The following CSMD1 variants were observed in gnomAD, a reference collection of about 807,000 sequenced individuals.
CSMD1 encodes the protein CUB and Sushi multiple domains 1.
Under a neutral mutation model 417.5 loss-of-function variants are expected in CSMD1, and 213 were observed. That is an observed-to-expected ratio of 0.51 (90% confidence interval 0.46 to 0.57). The LOEUF is 0.57. CSMD1 is among the 20% of genes least tolerant of loss of function. CSMD1 has a pLI of 0.00. For missense variants in CSMD1, 6,923 were observed against 4,529.7 expected, an observed-to-expected ratio of 1.53 and a Z score of -15.17; for synonymous variants, 2,862 against 1,736.8, an observed-to-expected ratio of 1.65 and a Z score of -16.11.
At chr8:3,475,262 A>G (rs1585219141) in intron 11 of CSMD1, among the ~76,000 whole-genome samples, 1 of 151,842 alleles carries the variant, frequency 6.6e-6, no homozygotes, top group East Asian at 1.9e-4. Context: ...TTCAACCTCC[A>G]CCTTCTTTCA....
At chr8:3,351,932 GTTAT>G (rs796295080) in intron 21 of CSMD1, among the ~76,000 whole-genome samples, 5 of 151,994 alleles carry the variant, frequency 3.3e-5, no homozygotes, top group African/African-American at 1.2e-4. Flanking sequence ...GTTTTCAGCC[GTTAT>G]TTGTGTTTGA....
intron 8 of CSMD1, among the ~76,000 whole-genome samples, chr8:3,592,239 A>G (rs904133741): frequency 6.6e-6 from 1 of 152,138 alleles, no homozygotes; most frequent in Non-Finnish European, 1.5e-5. Context: ...ACATAGATGG[A>G]TAGATAGCTA....
In CSMD1 at chr8:3,396,235, T is replaced by C; in HGVS notation, c.2552A>G (p.Asp851Gly). The change falls in exon 17 of 70, where the codon GAC becomes GGC. Residue 851 changes from aspartate to glycine, a missense_variant. Physicochemically the swap from Asp to Gly is moderately conservative, Grantham distance 94. Coordinates refer to ENST00000635120, the MANE Select transcript of CSMD1 (RefSeq NM_033225.6). Reference sequence around the variant, plus strand: ...GAAGCCGATGCTGGAGCGGCTGTTGTCAGTGGTGAACAGCAGGTACATGAA... The same window carrying C: ...GAAGCCGATGCTGGAGCGGCTGTTGCCAGTGGTGAACAGCAGGTACATGAA... ...GNFMYLLFTTDNSRSSIGFLI... is the reference protein window; with the variant it reads ...GNFMYLLFTTGNSRSSIGFLI... 1.3e-6 allele frequency: 2 copies of C among 1,574,102 alleles called. No homozygotes were observed. The highest frequency in any genetic ancestry group is 1.2e-5 in the South Asian group (1 of 85,634).
chr8:3,437,561 T>C (rs1357407894), intron 12 of CSMD1, among the ~76,000 whole-genome samples: 1 of 152,198 alleles, frequency 6.6e-6, no homozygotes, highest in Non-Finnish European at 1.5e-5. Flanking sequence ...AGGGAAAAAC[T>C]GGACTGCAGG....
intron 7 of CSMD1, among the ~76,000 whole-genome samples, chr8:3,691,161 G>C (rs1055282154): frequency 1.3e-5 from 2 of 152,110 alleles, no homozygotes; most frequent in Admixed American, 6.5e-5. Context: ...GAGGTCAGGA[G>C]TTTGAGACCA....
At chr8:4,308,903 G>C (rs991307111) in intron 3 of CSMD1, among the ~76,000 whole-genome samples, 1 of 152,030 alleles carries the variant, frequency 6.6e-6, no homozygotes, top group Non-Finnish European at 1.5e-5. Flanking sequence ...AAAATACTCA[G>C]AAAATATCAA....
intron 3 of CSMD1, among the ~76,000 whole-genome samples, chr8:4,238,338 G>T (rs1802189647): frequency 6.6e-6 from 1 of 152,158 alleles, no homozygotes; most frequent in Non-Finnish European, 1.5e-5. Context: ...CGCGAGGGTG[G>T]TCCTCCAGCT....
chr8:4,522,367 C>T (rs112910778), intron 2 of CSMD1, among the ~76,000 whole-genome samples: 38 of 152,186 alleles, frequency 2.5e-4, no homozygotes, highest in African/African-American at 2.9e-4. Context: ...GCCAAGTCTC[C>T]GGTATGCCTT....
chr8:3,513,454 T>G (rs559322904), intron 10 of CSMD1, among the ~76,000 whole-genome samples: 1 of 151,962 alleles, frequency 6.6e-6, no homozygotes, highest in South Asian at 2.1e-4. Context: ...GCCTCCTGAA[T>G]AGCTGGGATT....
At chr8:2,970,262 T>C (rs1466194373) in intron 57 of CSMD1, among the ~76,000 whole-genome samples, 2 of 152,178 alleles carry the variant, frequency 1.3e-5, no homozygotes, top group African/African-American at 4.8e-5. Flanking sequence ...TTGCCCACCC[T>C]CAACTGTTAT....
chr8:3,251,973 A>G (rs1016099025), intron 26 of CSMD1, among the ~76,000 whole-genome samples: 2 of 152,210 alleles, frequency 1.3e-5, no homozygotes, highest in Non-Finnish European at 2.9e-5. Flanking sequence ...GGCTGAGACA[A>G]TGCGGTTTTC....
intron 5 of CSMD1, among the ~76,000 whole-genome samples, chr8:3,984,339 G>C (rs963021038): frequency 2.0e-5 from 3 of 152,150 alleles, no homozygotes; most frequent in Non-Finnish European, 4.4e-5. Flanking sequence ...ACTGCCAAAA[G>C]AAAATGCTGA....
intron 10 of CSMD1, among the ~76,000 whole-genome samples, chr8:3,528,917 A>G (rs1268890398): frequency 1.3e-5 from 2 of 152,226 alleles, no homozygotes; most frequent in African/African-American, 2.4e-5. Context: ...CTGCAAAAAT[A>G]TGATAAATAA....
At chr8:3,038,635 G>C (rs61165627) in intron 50 of CSMD1, among the ~76,000 whole-genome samples, 35,074 of 151,894 alleles carry the variant, frequency 0.23, 4,648 homozygotes, top group East Asian at 0.33. Context: ...TGCATATAAC[G>C]CTGAACTGGG....
rs147430028 is a variant in CSMD1 at position 4,118,153 on chromosome 8, T to C, written c.416-86054A>G. 3.9e-3 allele frequency among the ~76,000 whole-genome samples: 589 copies of C among 152,234 alleles called. 5 individuals are homozygous for C. Among genetic ancestry groups the C allele is most frequent in the African/African-American group, 0.014 (562 of 41,554 alleles). On this transcript the variant is annotated intron_variant, in intron 3 of 69. Coordinates refer to ENST00000635120, the MANE Select transcript of CSMD1 (RefSeq NM_033225.6). ...GAAACGGCCCTTGGCAGACTCTCAG[T>C]GGGAGCAGAGGGGTGTGTTGGTACA...
At chr8:3,069,397 T>C (rs887309868) in intron 49 of CSMD1, among the ~76,000 whole-genome samples, 16 of 150,330 alleles carry the variant, frequency 1.1e-4, no homozygotes, top group Non-Finnish European at 1.8e-4. Flanking sequence ...ATCACACCAC[T>C]GCACACCAGC....
intron 2 of CSMD1, among the ~76,000 whole-genome samples, chr8:4,629,641 C>A (rs559634869): frequency 6.6e-6 from 1 of 152,062 alleles, no homozygotes; most frequent in Non-Finnish European, 1.5e-5. Flanking sequence ...ATTACGTGTC[C>A]TGCCTAGAAA....
intron 3 of CSMD1, among the ~76,000 whole-genome samples, chr8:4,222,519 A>C (rs1386000956): frequency 6.6e-6 from 1 of 152,212 alleles, no homozygotes; most frequent in Non-Finnish European, 1.5e-5. Context: ...ATTATTGTTA[A>C]ATAATCAAGA....
At position 3,998,725 on chromosome 8, in the gene CSMD1, G is replaced by A. The variant is rs80301645; in HGVS notation, c.611-615C>T. The stretch of plus-strand genomic sequence containing the variant: ...GTGAAAGGCCAGTAAAGATAAAAGT[G>A]CATTTAAAATAGAAACTAACAATTA... On this transcript the variant is annotated intron_variant, in intron 4 of 69. Transcript: ENST00000635120. Among the ~76,000 whole-genome samples the A allele has an allele frequency of 7.7e-3, 1,172 of 152,034 alleles. 56 individuals are homozygous for A. The East Asian group carries it at 0.13, about 17-fold the overall frequency.
Sources: allele counts gnomAD v4.1 joint callset (sites outside exome capture counted in the v4.1 genomes callset), GRCh38; gene constraint gnomAD v4.1.1; transcripts MANE v1.5; gene names NCBI Gene and HGNC (gene_info 2026-07-23, HGNC 2026-07-21).